Variants in MMP20 observed in about 807,000 individuals in gnomAD.
MMP20 encodes the protein matrix metallopeptidase 20.
A neutral mutation model predicts 51.8 loss-of-function variants in MMP20; 50 were observed. That is an observed-to-expected ratio of 0.97 (90% confidence interval 0.77 to 1.22). The LOEUF (loss-of-function observed/expected upper bound fraction) is 1.22, where lower values mean the gene tolerates loss of function less well. Ranked by LOEUF, MMP20 falls within the 50% of genes most tolerant of loss-of-function variation. The pLI is 0.00. For synonymous variants in MMP20, 244 were observed against 216.2 expected (o/e 1.13, Z -1.13); for missense variants, 663 against 601.4 (o/e 1.10, Z -1.07).
At chr11:102,608,861 A>G in intron 5 of MMP20, 76 bp downstream of exon 5, 1 of 1,466,232 alleles carries the variant, frequency 6.8e-7, no homozygotes, top group Non-Finnish European at 9.5e-7. Flanking sequence ...ATGCAGATAA[A>G]ATGCACTTTC....
chr11:102,592,043 A>G lies in MMP20; in HGVS notation c.1247+1396T>C, dbSNP rs564429824. 3.9e-5 allele frequency among the ~76,000 whole-genome samples: 6 copies of G among 152,314 alleles called. No homozygotes were observed. In the East Asian group the frequency reaches 1.2e-3, roughly 29 times the overall value. ...GAATAATCCTAACATAAACGCCCTC[A>G]TACTCCAACAGACGTGCTTACACAT... On this transcript the variant is annotated intron_variant, in intron 8 of 9. Transcript: ENST00000260228.
At position 102,606,849 on chromosome 11, in the gene MMP20, G is replaced by A. The variant is rs2135940394; in HGVS notation, c.812-173C>T. 5.7e-6 allele frequency: 4 copies of A among 700,200 alleles called. No individual in the cohort carries two copies. In the East Asian group the frequency reaches 8.3e-5, roughly 15 times the overall value. The allele number at this position is 700,200 out of a possible 1,614,324, so 43.4% of individuals were successfully genotyped here. On this transcript the variant is annotated intron_variant, in intron 5 of 9. Coordinates refer to ENST00000260228, the MANE Select transcript of MMP20 (RefSeq NM_004771.4). ...CCGGCTCTCCTGGTTGCTGAGCTGTGTGATTTGAGGCACATTATTCAACTT... is the reference window on the plus strand; with the variant it reads ...CCGGCTCTCCTGGTTGCTGAGCTGTATGATTTGAGGCACATTATTCAACTT...
intron 5 of MMP20, 101 bp from the exon 6 acceptor site, chr11:102,606,777 C>A (rs1591618358): frequency 3.6e-6 from 5 of 1,370,406 alleles, no homozygotes; most frequent in Non-Finnish European, 5.2e-6. Context: ...TCACGCTGGA[C>A]ATGTGATCAT....
chr11:102,598,440 CTGTT>C (rs761465401), intron 6 of MMP20, among the ~76,000 whole-genome samples: 20 of 152,202 alleles, frequency 1.3e-4, no homozygotes, highest in Non-Finnish European at 2.4e-4. Flanking sequence ...TTTAGCTGCA[CTGTT>C]TATCTTCATG....
At chr11:102,584,094 T>C (rs952373828) in intron 8 of MMP20, among the ~76,000 whole-genome samples, 1 of 152,244 alleles carries the variant, frequency 6.6e-6, no homozygotes, top group Non-Finnish European at 1.5e-5. Context: ...TGAATATTTG[T>C]ATACAGCTAT....
chr11:102,622,422 T>C (rs1384072743), intron 1 of MMP20, among the ~76,000 whole-genome samples: 1 of 152,174 alleles, frequency 6.6e-6, no homozygotes, highest in Non-Finnish European at 1.5e-5. Context: ...CACATGGGCC[T>C]GATGATTGCA....
At chr11:102,604,097 C>A (rs1217064490) in intron 6 of MMP20, among the ~76,000 whole-genome samples, 1 of 151,748 alleles carries the variant, frequency 6.6e-6, no homozygotes, top group African/African-American at 2.4e-5. Flanking sequence ...TTCACCACCT[C>A]CTTTACCCCC....
chr11:102,613,289 C>T (rs555863752), intron 2 of MMP20, among the ~76,000 whole-genome samples: 2 of 152,284 alleles, frequency 1.3e-5, no homozygotes, highest in East Asian at 3.9e-4. Context: ...TACCCGAGAC[C>T]TTGGGCTGGG....
chr11:102,615,332 ATTT>A (rs1317336177), intron 2 of MMP20, among the ~76,000 whole-genome samples: 1 of 150,524 alleles, frequency 6.6e-6, no homozygotes, highest in African/African-American at 2.4e-5. Context: ...AATATGATTT[ATTT>A]AATAGTAAAT....
At chr11:102,596,849 G>A (rs1202682462) in intron 6 of MMP20, among the ~76,000 whole-genome samples, 1 of 152,224 alleles carries the variant, frequency 6.6e-6, no homozygotes, top group Non-Finnish European at 1.5e-5. Flanking sequence ...CTGAAGGCCA[G>A]AGGGACTGCT....
chr11:102,594,731 A>G lies in MMP20; in HGVS notation c.980T>C (p.Leu327Ser). The change falls in exon 7 of 10, where the codon TTG (leucine) becomes TCG (serine). Residue 327 changes from leucine to serine, a missense_variant. By Grantham distance (145) the Leu-to-Ser change is moderately radical. Coordinates refer to ENST00000260228, the MANE Select transcript of MMP20 (RefSeq NM_004771.4). ...DRIFWRRQVH[L>S]RTGIRPSTIT... ...AGTGCTGGGCCGAATTCCTGTCCGC[A>G]AGTGAACCTGCCGTCTCCAGAAAAT... is the stretch of plus-strand genomic sequence containing the variant. 6.2e-7 allele frequency: 1 copy of G among 1,610,676 alleles called. No homozygotes were observed. Among genetic ancestry groups the G allele is most frequent in the South Asian group, 1.1e-5 (1 of 90,930 alleles).
rs61730849 is a variant in MMP20, at chr11:102,611,889, G to A, written c.389C>T (p.Thr130Ile). ...CACCTCGACAGAACTCATGGAAGGT[G>A]TGTATTTAGATATTCTGTGAAAACG... ...NTLTYRISKY[T>I]PSMSSVEVDK... The change falls in exon 3 of 10, where the codon ACA becomes ATA. Residue 130 changes from threonine (T) to isoleucine (I), a missense_variant. By Grantham distance (89) the Thr-to-Ile change is moderately conservative. Transcript: ENST00000260228. 1.4e-3 allele frequency: 2,225 copies of A among 1,614,098 alleles called. 11 individuals carry two copies. Among genetic ancestry groups the A allele is most frequent in the Non-Finnish European group, 1.5e-3 (1,742 of 1,179,942 alleles).
chr11:102,606,008 T>G (rs1448993156), intron 6 of MMP20, among the ~76,000 whole-genome samples: 2 of 152,176 alleles, frequency 1.3e-5, no homozygotes, highest in African/African-American at 4.8e-5. Context: ...TACCCACCTA[T>G]CTATCCATCT....
intron 8 of MMP20, among the ~76,000 whole-genome samples, chr11:102,589,027 T>C (rs1393322955): frequency 6.6e-6 from 1 of 152,312 alleles, no homozygotes; most frequent in East Asian, 1.9e-4. Context: ...TTCTCCCTTA[T>C]GGAAGGTATT....
At chr11:102,599,189 G>C (rs1859417799) in intron 6 of MMP20, among the ~76,000 whole-genome samples, 1 of 151,952 alleles carries the variant, frequency 6.6e-6, no homozygotes, top group Non-Finnish European at 1.5e-5. Context: ...GCTAATTTTT[G>C]TATTTTTTTC....
At chr11:102,591,665 G>A (rs528932604) in intron 8 of MMP20, among the ~76,000 whole-genome samples, 12 of 152,132 alleles carry the variant, frequency 7.9e-5, no homozygotes, top group South Asian at 4.2e-4. Context: ...CCAACTTTTC[G>A]GTGAATCTAT....
At chr11:102,599,746 T>C (rs554915499) in intron 6 of MMP20, among the ~76,000 whole-genome samples, 23 of 152,236 alleles carry the variant, frequency 1.5e-4, no homozygotes, top group Non-Finnish European at 3.1e-4. Flanking sequence ...ATTCATTCTA[T>C]GGGACTCATT....
At chr11:102,609,179 T>C in intron 4 of MMP20, 81 bp from the exon 5 acceptor site, 1 of 1,264,112 alleles carries the variant, frequency 7.9e-7, no homozygotes, top group Non-Finnish European at 1.1e-6. Context: ...GTATAATTTA[T>C]GCCCACATTA....
At chr11:102,605,126 A>G (rs949454325) in intron 6 of MMP20, 8 of 152,238 alleles carry the variant, frequency 5.3e-5, no homozygotes, top group African/African-American at 1.7e-4. Flanking sequence ...TAGTGCACTT[A>G]TAAGAAGAGA....
Sources: allele counts gnomAD v4.1 joint callset (sites outside exome capture counted in the v4.1 genomes callset), GRCh38; gene constraint gnomAD v4.1.1; transcripts MANE v1.5; gene names NCBI Gene and HGNC (gene_info 2026-07-23, HGNC 2026-07-21).